The following TENM2 variants were observed in gnomAD, a reference collection of about 807,000 sequenced individuals.
TENM2 encodes teneurin transmembrane protein 2.
A neutral mutation model predicts 245.2 loss-of-function variants in TENM2; 52 were observed. That is an observed-to-expected ratio of 0.21 (90% CI 0.17 to 0.27). TENM2 has a LOEUF of 0.27. TENM2 is among the 10% of genes least tolerant of loss of function. The pLI, the probability that TENM2 is intolerant of heterozygous loss-of-function variation, is 1.00. For missense variants in TENM2, 3,046 were observed against 3,666.8 expected, an observed-to-expected ratio of 0.83 and a Z score of 4.37; for synonymous variants, 1,363 against 1,438.9, an observed-to-expected ratio of 0.95 and a Z score of 1.19.
At chr5:167,050,548 A>C in the TENM2 span, among the ~76,000 whole-genome samples, 1 of 152,286 alleles carries the variant, frequency 6.6e-6, no homozygotes, top group South Asian at 2.1e-4. Context: ...AGTGAAGAAT[A>C]ATTGAAGAGC....
chr5:167,897,021 G>A (rs989154267), intron 3 of TENM2, among the ~76,000 whole-genome samples: 1 of 152,152 alleles, frequency 6.6e-6, no homozygotes, highest in Non-Finnish European at 1.5e-5. Context: ...AGCTTAACTC[G>A]GTTGGTCTAC....
intron 5 of TENM2, among the ~76,000 whole-genome samples, chr5:168,004,542 C>CAA (rs1486697992): frequency 4.6e-5 from 7 of 152,062 alleles, no homozygotes; most frequent in Non-Finnish European, 1.0e-4. Flanking sequence ...CACACACACA[C>CAA]ACACACACAC....
chr5:167,780,656 T>C (rs1272715498), intron 2 of TENM2, among the ~76,000 whole-genome samples: 1 of 152,190 alleles, frequency 6.6e-6, no homozygotes, highest in East Asian at 1.9e-4. Context: ...TCACTGTTAA[T>C]GAATCAGCAT....
intron 4 of TENM2, among the ~76,000 whole-genome samples, chr5:167,979,158 A>T (rs148214750): frequency 6.6e-6 from 1 of 152,284 alleles, no homozygotes; most frequent in Non-Finnish European, 1.5e-5. Context: ...AGCACCAAAG[A>T]TAAGGAAATA....
chr5:167,779,530 G>A (rs1294485313), intron 2 of TENM2, among the ~76,000 whole-genome samples: 1 of 152,082 alleles, frequency 6.6e-6, no homozygotes, highest in Non-Finnish European at 1.5e-5. Context: ...AATTACGTGG[G>A]GTGAGAAATG....
At chr5:167,993,297 T>G (rs988809000) in intron 5 of TENM2, 115 bp downstream of exon 7, 2 of 763,144 alleles carry the variant, frequency 2.6e-6, no homozygotes, top group Non-Finnish European at 4.2e-6. Context: ...TCTTTGCTCC[T>G]GAAAGATGTG....
chr5:167,387,523 C>G (rs1761509926), intron 2 of TENM2, among the ~76,000 whole-genome samples: 1 of 152,016 alleles, frequency 6.6e-6, no homozygotes, highest in South Asian at 2.1e-4. Context: ...TTTCTCTTGT[C>G]TGATTGCTCT....
At chr5:167,004,827 C>T in the TENM2 span, among the ~76,000 whole-genome samples, 2 of 152,226 alleles carry the variant, frequency 1.3e-5, no homozygotes, top group Non-Finnish European at 2.9e-5. Context: ...AACTGTGCAG[C>T]GTGCTTGTGC....
At chr5:167,798,654 A>G (rs1765487112) in intron 2 of TENM2, among the ~76,000 whole-genome samples, 1 of 152,156 alleles carries the variant, frequency 6.6e-6, no homozygotes, top group Admixed American at 6.5e-5. Context: ...ACTTTTGCCT[A>G]GGGCCGGCCC....
Position 167,890,450 on chromosome 5 carries a change from G to T in TENM2, c.712+14255G>T, listed in dbSNP as rs548070806. Among the ~76,000 whole-genome samples the T allele has an allele frequency of 1.9e-4, 29 of 152,150 alleles. No homozygotes were observed. In the South Asian group the frequency reaches 6.0e-3, roughly 32 times the overall value. Reference sequence around the variant, plus strand: ...AACAAGATCATGTCCTTTCCTTTAGGTTGCAAACATCTGACCCTTGGTCAA... The same window carrying T: ...AACAAGATCATGTCCTTTCCTTTAGTTTGCAAACATCTGACCCTTGGTCAA... On this transcript the variant is annotated intron_variant, in intron 3 of 28. Coordinates refer to ENST00000518659, the Ensembl canonical transcript of TENM2.
chr5:167,157,014 T>C, the TENM2 span, among the ~76,000 whole-genome samples: 1 of 152,192 alleles, frequency 6.6e-6, no homozygotes, highest in Non-Finnish European at 1.5e-5. Context: ...GAACCAAGCA[T>C]TCGCATTTAT....
intron 7 of TENM2, among the ~76,000 whole-genome samples, chr5:168,080,008 C>A (rs1791837993): frequency 6.6e-6 from 1 of 152,324 alleles, no homozygotes; most frequent in African/African-American, 2.4e-5. Context: ...AGGAATGGCA[C>A]CAGCTCCTCT....
intron 2 of TENM2, among the ~76,000 whole-genome samples, chr5:167,538,694 G>T (rs1025142694): frequency 2.6e-5 from 4 of 152,178 alleles, no homozygotes; most frequent in Admixed American, 1.3e-4. Context: ...AGTCCCCAGG[G>T]TAAATGGATA....
At chr5:167,861,311 T>G (rs1050786509) in intron 2 of TENM2, among the ~76,000 whole-genome samples, 25 of 152,138 alleles carry the variant, frequency 1.6e-4, no homozygotes, top group African/African-American at 5.6e-4. Context: ...CGATAATGTT[T>G]CAGTACCACG....
Position 168,244,788 on chromosome 5 carries a change from G to A in TENM2, c.5817+72G>A, listed in dbSNP as rs1417094353. 2 of 1,184,236 alleles carry A rather than the reference G, an allele frequency of 1.7e-6. No individual in the cohort carries two copies. The highest frequency in any genetic ancestry group is 2.9e-5 in the East Asian group (1 of 34,666). The allele number at this position is 1,184,236 out of a possible 1,614,324, so 73.4% of individuals were successfully genotyped here. ...GTTATTCCGGCTTCTTTTTTTTTTT[G>A]AGACAGAGACTTGCTCTGTTGCCCA... is the stretch of plus-strand genomic sequence containing the variant. On this transcript the variant is annotated intron_variant, in intron 26 of 28. Transcript: ENST00000518659. The surrounding 1 kb of genome is among the most constrained non-coding windows in gnomAD (Gnocchi z 4.9).
chr5:167,019,468 T>A, the TENM2 span, among the ~76,000 whole-genome samples: 1 of 151,930 alleles, frequency 6.6e-6, no homozygotes, highest in Non-Finnish European at 1.5e-5. Context: ...GTTGTTTTTG[T>A]TTTTTTTATT....
At chr5:167,871,586 A>G (rs1208086759) in intron 2 of TENM2, among the ~76,000 whole-genome samples, 2 of 152,182 alleles carry the variant, frequency 1.3e-5, no homozygotes, top group African/African-American at 4.8e-5. Context: ...ACTTACACAC[A>G]CACCCACACA....
At chr5:168,010,529 A>G (rs955830675) in intron 5 of TENM2, among the ~76,000 whole-genome samples, 1 of 152,228 alleles carries the variant, frequency 6.6e-6, no homozygotes, top group African/African-American at 2.4e-5. Flanking sequence ...GAGCTTCATA[A>G]TAATATACAA....
At chr5:167,645,946 C>A (rs1012526162) in intron 2 of TENM2, among the ~76,000 whole-genome samples, 2 of 151,508 alleles carry the variant, frequency 1.3e-5, no homozygotes, top group Non-Finnish European at 2.9e-5. Flanking sequence ...TACACTTGTG[C>A]TATTATTTTT....
Sources: gnomAD v4.1 joint callset for allele counts (sites outside exome capture counted in the v4.1 genomes callset) on GRCh38, gnomAD v4.1.1 for gene constraint, Gnocchi (gnomAD v3.1) non-coding constraint, MANE v1.5 for transcripts, NCBI Gene and HGNC (gene_info 2026-07-23, HGNC 2026-07-21) for gene names.